The following TSEN15 variants were observed in gnomAD, a reference collection of about 807,000 sequenced individuals.
TSEN15 encodes tRNA splicing endonuclease subunit 15, also known as tRNA-splicing endonuclease subunit Sen15.
TSEN15 carries 10 observed loss-of-function variants against 20.5 expected under a neutral mutation model. The ratio of observed to expected loss-of-function variants is 0.49; its 90% CI spans 0.30 to 0.83. TSEN15 has a LOEUF of 0.83. TSEN15 is among the 40% of genes least tolerant of loss of function. The pLI is 0.06. For missense variants in TSEN15, 180 were observed against 218.6 expected (o/e 0.82, Z 1.11); for synonymous variants, 72 against 80.1 (o/e 0.90, Z 0.54).
Position 184,072,812 on chromosome 1 carries a change from CTT to C in TSEN15, c.496-6_496-5del. The C allele has an allele frequency of 4.2e-6, 6 of 1,433,298 alleles. No homozygotes were observed. The highest frequency in any genetic ancestry group is 3.9e-5 in the Admixed American group (2 of 51,788). The allele number at this position is 1,433,298 out of a possible 1,614,324, so 88.8% of individuals were successfully genotyped here. Reference sequence around the variant, plus strand: ...TTATCGGAGAAAAGTCCATCCTGATCTTTTTTTTTTCCAGAATATTTCTCTTA... The same window carrying C: ...TTATCGGAGAAAAGTCCATCCTGATCTTTTTTTTCCAGAATATTTCTCTTA... On this transcript the variant is annotated splice_polypyrimidine_tract_variant and intron_variant, in intron 4 of 4. Transcript: ENST00000645668.
chr1:184,074,871 C>A (rs1228457973), downstream of TSEN15, among the ~76,000 whole-genome samples: 1 of 151,864 alleles, frequency 6.6e-6, no homozygotes, highest in Non-Finnish European at 1.5e-5. Context: ...TCTGCTTCCC[C>A]AGAGGACATG....
chr1:184,067,941 A>AAAAAAAAAAAT (rs1400681024), intron 3 of TSEN15, among the ~76,000 whole-genome samples: 2 of 95,602 alleles, frequency 2.1e-5, no homozygotes, highest in African/African-American at 8.4e-5. Flanking sequence ...AAAAAAAAAA[A>AAAAAAAAAAAT]ATATATATAT....
At chr1:184,085,426 G>A (rs888942750) in intron 3 of TSEN15, among the ~76,000 whole-genome samples, 6 of 152,184 alleles carry the variant, frequency 3.9e-5, no homozygotes, top group African/African-American at 1.4e-4. Flanking sequence ...GATACATAGT[G>A]GGTGTTCCAC....
intron 3 of TSEN15, among the ~76,000 whole-genome samples, chr1:184,086,468 A>G (rs1651263570): frequency 6.6e-6 from 1 of 152,200 alleles, no homozygotes; most frequent in Non-Finnish European, 1.5e-5. Flanking sequence ...GCTACTTAAA[A>G]CAATAGTTTT....
At chr1:184,052,801 A>G (rs1650103389) in intron 1 of TSEN15, among the ~76,000 whole-genome samples, 2 of 152,212 alleles carry the variant, frequency 1.3e-5, no homozygotes, top group Admixed American at 6.5e-5. Flanking sequence ...TTTTAGGGAA[A>G]CAATAGCATG....
chr1:184,084,467 T>C (rs1247040047), intron 3 of TSEN15, among the ~76,000 whole-genome samples: 1 of 151,734 alleles, frequency 6.6e-6, no homozygotes, highest in East Asian at 2.0e-4. Flanking sequence ...ATCCTTTTGA[T>C]TATTATCCAT....
At chr1:184,052,965 A>G (rs1557876306) in intron 1 of TSEN15, among the ~76,000 whole-genome samples, 1 of 152,192 alleles carries the variant, frequency 6.6e-6, no homozygotes, top group African/African-American at 2.4e-5. Context: ...TTAATAGTCC[A>G]TACTTACTTA....
rs143255739 is a variant in TSEN15 at position 184,072,944 on chromosome 1, C to G, written c.*97C>G. Reference sequence around the variant, plus strand: ...TTATCTCAGAAATAGGGTTGACGTACATAGTGAGGGTTGACTTCCCCATTC... The same window carrying G: ...TTATCTCAGAAATAGGGTTGACGTAGATAGTGAGGGTTGACTTCCCCATTC... On this transcript the variant is annotated 3_prime_UTR_variant, in exon 5 of 5. Transcript: ENST00000645668. The G allele has an allele frequency of 1.6e-3, 1,955 of 1,238,100 alleles. 12 individuals carry two copies. Among genetic ancestry groups the G allele is most frequent in the African/African-American group, 7.3e-3 (476 of 64,842 alleles). 76.7% of individuals were successfully genotyped at this position (1,238,100 alleles called of 1,614,324 possible).
At chr1:184,068,418 A>G (rs751808997) in intron 3 of TSEN15, among the ~76,000 whole-genome samples, 9 of 152,150 alleles carry the variant, frequency 5.9e-5, no homozygotes, top group Admixed American at 1.3e-4. Context: ...TTCTCTGCAT[A>G]TTAGGATGTG....
At chr1:184,060,263 T>C (rs1361847715) in intron 3 of TSEN15, among the ~76,000 whole-genome samples, 1 of 152,096 alleles carries the variant, frequency 6.6e-6, no homozygotes, top group Non-Finnish European at 1.5e-5. Flanking sequence ...ACTTAGAGAG[T>C]CTCTGAACAG....
At position 184,054,854 on chromosome 1, in the gene TSEN15, G is replaced by A; in HGVS notation, c.344G>A (p.Ser115Asn). 8 of 1,610,326 alleles carry A rather than the reference G, an allele frequency of 5.0e-6. No individual in the cohort carries two copies. Among genetic ancestry groups the A allele is most frequent in the Non-Finnish European group, 6.8e-6 (8 of 1,178,268 alleles). Residue 115 changes from serine (S) to asparagine (N), a missense_variant, in exon 3 of 5, where the codon AGC (serine) becomes AAC (asparagine). This residue lies in a region of TSEN15 where 76 missense variants were observed against 123.4 expected (regional missense o/e 0.62). Transcript: ENST00000645668. ...VVPTPITASL[S>N]HNRIREILKA... ...CCTACCCCCATCACTGCTTCCCTCA[G>A]CCATAACAGGTGAGCAGGTGATTTT...
intron 3 of TSEN15, among the ~76,000 whole-genome samples, chr1:184,083,767 A>G (rs1651211083): frequency 6.6e-6 from 1 of 152,144 alleles, no homozygotes; most frequent in African/African-American, 2.4e-5. Flanking sequence ...TCCACTTTGG[A>G]CCATAATGTT....
chr1:184,065,454 A>G (rs1328457791), intron 3 of TSEN15, among the ~76,000 whole-genome samples: 2 of 152,198 alleles, frequency 1.3e-5, no homozygotes, highest in Non-Finnish European at 2.9e-5. Flanking sequence ...AATGTCATGT[A>G]TTCATCATCA....
At chr1:184,096,654 C>T (rs1470903847) in exon 4 of TSEN15, 1 of 154,374 alleles carries the variant, frequency 6.5e-6, no homozygotes, top group East Asian at 1.9e-4. Context: ...GGACAATTTA[C>T]AAAAGAAAGA....
intron 3 of TSEN15, among the ~76,000 whole-genome samples, chr1:184,066,978 T>A (rs929683218): frequency 6.6e-6 from 1 of 152,222 alleles, no homozygotes; most frequent in Non-Finnish European, 1.5e-5. Flanking sequence ...ATAGATCCTA[T>A]AAATATTTTG....
intron 4 of TSEN15, chr1:184,072,550 T>C (rs1650924963): frequency 5.4e-6 from 3 of 554,502 alleles, no homozygotes; most frequent in Non-Finnish European, 9.2e-6. Context: ...TTCCAAAGTA[T>C]TTTATGAAGT....
At chr1:184,096,675 G>A (rs149288441) in exon 4 of TSEN15, 1 of 155,220 alleles carries the variant, frequency 6.4e-6, no homozygotes, top group African/African-American at 2.4e-5. Context: ...GGTTTAATTG[G>A]ACTTACCGTT....
chr1:184,072,336 A>C, intron 4 of TSEN15, 38 bp downstream of exon 4: 4 of 1,570,770 alleles, frequency 2.5e-6, no homozygotes, highest in Non-Finnish European at 2.6e-6. Flanking sequence ...AAGTACAAAA[A>C]GAGGAAAATT....
At chr1:184,058,099 A>G (rs1650311601) in intron 3 of TSEN15, 3 of 383,938 alleles carry the variant, frequency 7.8e-6, no homozygotes, top group Admixed American at 6.8e-5. Flanking sequence ...TTTTAATCAA[A>G]ATCATTTCAT....
Sources: gnomAD v4.1 joint callset for allele counts (sites outside exome capture counted in the v4.1 genomes callset) on GRCh38, gnomAD v4.1.1 for gene constraint, gnomAD v4.1.1 regional missense constraint, MANE v1.5 for transcripts, NCBI Gene and HGNC (gene_info 2026-07-23, HGNC 2026-07-21) for gene names.